The following TTC34 variants were observed in gnomAD, a reference collection of about 807,000 sequenced individuals.
TTC34 encodes the protein tetratricopeptide repeat domain 34, also known as tetratricopeptide repeat protein 34.
A neutral mutation model predicts 40.7 loss-of-function variants in TTC34; 44 were observed. That is an observed-to-expected ratio of 1.08 (90% confidence interval 0.85 to 1.39). The LOEUF is 1.39. TTC34 is among the 40% of genes most tolerant of loss of function. TTC34 has a pLI of 0.00. For missense variants in TTC34, 884 were observed against 838.0 expected (o/e 1.05, Z -0.68); for synonymous variants, 422 against 398.6 (o/e 1.06, Z -0.70).
At chr1:2,793,448 C>G (rs1363286793) in intron 2 of TTC34, among the ~76,000 whole-genome samples, 1 of 151,894 alleles carries the variant, frequency 6.6e-6, no homozygotes, top group East Asian at 1.9e-4. Context: ...TCTTTATTTT[C>G]TATAGTTATG....
chr1:2,655,410 A>AC (rs1639308833), intron 6 of TTC34, among the ~76,000 whole-genome samples: 1 of 109,226 alleles, frequency 9.2e-6, no homozygotes. Flanking sequence ...AACAGCACCG[A>AC]CACCCCCAGG....
At chr1:2,751,699 C>G (rs1641326121) in intron 6 of TTC34, among the ~76,000 whole-genome samples, 2 of 143,166 alleles carry the variant, frequency 1.4e-5, no homozygotes, top group South Asian at 4.5e-4. Flanking sequence ...CCCAAGCGAG[C>G]ATCCGACAGC....
Position 2,645,295 on chromosome 1 carries a change from T to A in TTC34, c.2495A>T (p.Gln832Leu), listed in dbSNP as rs201156678. ...CCCACCTTGGGGCCGCCGCATACCC[T>A]GTGCCATGAGAATGTCTGCCAGGAG... The change falls in exon 7 of 9, where the codon CAG becomes CTG. Residue 832 changes from glutamine to leucine, a missense_variant and splice_region_variant. Physicochemically the swap from Gln to Leu is moderately radical, Grantham distance 113. Transcript: ENST00000401095. This position sits in a 1 kb window ranked among gnomAD's most constrained non-coding sequence, Gnocchi z 4.7. 1.3e-6 allele frequency: 2 copies of A among 1,487,914 alleles called. No individual in the cohort carries two copies. Among genetic ancestry groups the A allele is most frequent in the Non-Finnish European group, 1.8e-6 (2 of 1,120,968 alleles). 92.2% of individuals were successfully genotyped at this position (1,487,914 alleles called of 1,614,324 possible).
rs1307625922 is a variant in TTC34, at chr1:2,750,835, C to G, written c.2226+32774G>C. The stretch of plus-strand genomic sequence containing the variant: ...CAGGCGAGCATCTGACAGCCTGGAG[C>G]AGTACCCACACACCCAGGTGAGCAT... On this transcript the variant is annotated intron_variant, in intron 6 of 8. Coordinates refer to ENST00000401095, the Ensembl canonical transcript of TTC34. Among the ~76,000 whole-genome samples, 4 of 126,096 alleles carry G rather than the reference C, an allele frequency of 3.2e-5. 2 individuals are homozygous for G. The highest frequency in any genetic ancestry group is 1.4e-4 in the African/African-American group (4 of 29,384). 82.7% of individuals were successfully genotyped at this position (126,096 alleles called of 152,430 possible).
At chr1:2,784,039 C>T (rs573769412) in intron 5 of TTC34, among the ~76,000 whole-genome samples, 5 of 152,064 alleles carry the variant, frequency 3.3e-5, no homozygotes, top group South Asian at 2.1e-4. Flanking sequence ...TGAGGCCAGG[C>T]GAGGGCAGGG....
intron 6 of TTC34, among the ~76,000 whole-genome samples, chr1:2,649,445 C>G (rs753564094): frequency 1.3e-5 from 2 of 152,106 alleles, no homozygotes; most frequent in Non-Finnish European, 2.9e-5. Flanking sequence ...TGCCCATACC[C>G]AGGTGAGCAT....
intron 6 of TTC34, among the ~76,000 whole-genome samples, chr1:2,694,913 C>A (rs1274453621): frequency 1.5e-5 from 2 of 133,050 alleles, no homozygotes; most frequent in African/African-American, 2.9e-5. Context: ...CACCCACACA[C>A]TCACGCGAGC....
At chr1:2,637,947 T>C (rs1638823682) in exon 9 of TTC34, 6 of 152,224 alleles carry the variant, frequency 3.9e-5, no homozygotes. Context: ...TGGGGATGTC[T>C]GGTTGGGCTC....
intron 6 of TTC34, among the ~76,000 whole-genome samples, chr1:2,681,055 T>C (rs1481576846): frequency 3.4e-4 from 13 of 38,634 alleles, no homozygotes; most frequent in South Asian, 2.4e-3. Context: ...TCAGGAGCAG[T>C]GCCCACACAC....
At chr1:2,780,050 GT>G (rs1402426598) in intron 6 of TTC34, among the ~76,000 whole-genome samples, 1 of 152,218 alleles carries the variant, frequency 6.6e-6, no homozygotes, top group East Asian at 1.9e-4. Context: ...GGAAGCGGAA[GT>G]TGCAGTGAGC....
At chr1:2,800,838 C>G in exon 2 of TTC34, 1 of 398,600 alleles carries the variant, frequency 2.5e-6, no homozygotes, top group Non-Finnish European at 4.4e-6. Context: ...GTCTGGGACC[C>G]CGACGGGCCC....
At chr1:2,698,847 A>C (rs952557185) in intron 6 of TTC34, among the ~76,000 whole-genome samples, 1 of 145,390 alleles carries the variant, frequency 6.9e-6, no homozygotes, top group African/African-American at 2.6e-5. Context: ...CAGTACCCAC[A>C]CTCCCAGGCG....
exon 9 of TTC34, chr1:2,641,233 G>T: frequency 1.0e-6 from 1 of 979,430 alleles, no homozygotes; most frequent in Non-Finnish European, 1.4e-6. Context: ...TGTGGGGAGG[G>T]CTGGGAAGGG....
chr1:2,787,788 C>A, intron 3 of TTC34, 82 bp from the exon 4 acceptor site: 1 of 1,221,460 alleles, frequency 8.2e-7, no homozygotes, highest in Non-Finnish European at 1.1e-6. Context: ...TGGGGAAATC[C>A]CGTCTCCATG....
chr1:2,783,396 A>G (rs1279223601), intron 6 of TTC34, among the ~76,000 whole-genome samples: 1 of 152,184 alleles, frequency 6.6e-6, no homozygotes, highest in Non-Finnish European at 1.5e-5. Context: ...TGAGGCTGGG[A>G]GGATGAAAGG....
chr1:2,681,965 G>C (rs371097134), intron 6 of TTC34, among the ~76,000 whole-genome samples: 1 of 59,926 alleles, frequency 1.7e-5, no homozygotes, highest in African/African-American at 6.7e-5. Flanking sequence ...AGCATCTGAC[G>C]GCCTGGAACA....
At chr1:2,771,470 A>G (rs1479199411) in intron 6 of TTC34, among the ~76,000 whole-genome samples, 2 of 83,430 alleles carry the variant, frequency 2.4e-5, no homozygotes, top group Non-Finnish European at 4.3e-5. Flanking sequence ...GACAGTCTGG[A>G]ACAGCATCCA....
At chr1:2,650,745 C>T (rs1639113638) in intron 6 of TTC34, among the ~76,000 whole-genome samples, 1 of 150,944 alleles carries the variant, frequency 6.6e-6, no homozygotes, top group African/African-American at 2.4e-5. Flanking sequence ...GTCACCCTGA[C>T]CCCCAGGTGA....
At chr1:2,647,829 T>C (rs910026427) in intron 6 of TTC34, among the ~76,000 whole-genome samples, 4 of 152,166 alleles carry the variant, frequency 2.6e-5, no homozygotes, top group Admixed American at 2.6e-4. Context: ...TTTTTTGTTT[T>C]CCCTGCTTTT....
Sources: allele counts gnomAD v4.1 joint callset (sites outside exome capture counted in the v4.1 genomes callset), GRCh38; gene constraint gnomAD v4.1.1; non-coding constraint Gnocchi (gnomAD v3.1); transcripts MANE v1.5; gene names NCBI Gene and HGNC (gene_info 2026-07-23, HGNC 2026-07-21).